Variants in MCPH1 observed in about 807,000 individuals in gnomAD.
MCPH1 encodes microcephalin 1.
In MCPH1, 104 loss-of-function variants were observed where a neutral mutation model predicts 84.5. The observed-to-expected ratio is 1.23, with a 90% CI of 1.05 to 1.45. MCPH1 has a LOEUF of 1.45. Among genes scored for constraint, MCPH1 ranks in the 40% most tolerant of loss-of-function variants. The probability of loss-of-function intolerance (pLI) is 0.00; values close to 1 mark genes in which losing one functional copy is unlikely to be tolerated. For missense variants in MCPH1, 1,498 were observed against 1,005.7 expected (o/e 1.49, Z -6.62); for synonymous variants, 514 against 366.8 (o/e 1.40, Z -4.58).
At chr8:6,453,765 T>C (rs977274047) in intron 8 of MCPH1, among the ~76,000 whole-genome samples, 8 of 152,166 alleles carry the variant, frequency 5.3e-5, no homozygotes, top group Non-Finnish European at 1.0e-4. Flanking sequence ...CCCCGGGGGA[T>C]AAAGTGGGCC....
chr8:6,487,358 C>T (rs564968154), intron 11 of MCPH1, among the ~76,000 whole-genome samples: 1 of 152,186 alleles, frequency 6.6e-6, no homozygotes, highest in Admixed American at 6.5e-5. Flanking sequence ...AATCAATGAA[C>T]TGTTAGAATA....
intron 12 of MCPH1, among the ~76,000 whole-genome samples, chr8:6,527,020 G>A (rs1319118123): frequency 6.6e-6 from 1 of 152,206 alleles, no homozygotes; most frequent in African/African-American, 2.4e-5. Flanking sequence ...TTGGCTTACA[G>A]TATAAGTGTA....
At chr8:6,596,407 A>G (rs1310350760) in intron 12 of MCPH1, among the ~76,000 whole-genome samples, 1 of 152,070 alleles carries the variant, frequency 6.6e-6, no homozygotes, top group East Asian at 1.9e-4. Flanking sequence ...GATGAAAGGA[A>G]TTTTTCTGCT....
chr8:6,436,218 A>T, intron 5 of MCPH1, 56 bp downstream of exon 5: 1 of 1,563,350 alleles, frequency 6.4e-7, no homozygotes, highest in Non-Finnish European at 8.7e-7. Flanking sequence ...ACCTTGTTTA[A>T]TTTGCATGAT....
At chr8:6,628,409 G>T (rs1392252079) in intron 13 of MCPH1, among the ~76,000 whole-genome samples, 1 of 142,720 alleles carries the variant, frequency 7.0e-6, no homozygotes, top group Non-Finnish European at 1.5e-5. Context: ...GGCAGAGCTT[G>T]CAGTGAGCCG....
intron 12 of MCPH1, chr8:6,621,045 C>G (rs541949723): frequency 3.0e-5 from 9 of 302,098 alleles, no homozygotes; most frequent in Non-Finnish European, 3.8e-5. Flanking sequence ...GATTGAATGA[C>G]GCTCTCCCAG....
chr8:6,484,055 T>C (rs984533924), intron 11 of MCPH1, among the ~76,000 whole-genome samples: 1 of 152,126 alleles, frequency 6.6e-6, no homozygotes, highest in African/African-American at 2.4e-5. Flanking sequence ...GCATGATGAA[T>C]AACAGAAAAC....
At position 6,458,030 on chromosome 8, in the gene MCPH1, T is replaced by C. The variant is rs142946907; in HGVS notation, c.1935+2778T>C. ...TTTTAAACTCCTGAGGTGATTCTAATGCAAAGCAGAGTTTGGAAACTACAG... is the reference window on the plus strand; with the variant it reads ...TTTTAAACTCCTGAGGTGATTCTAACGCAAAGCAGAGTTTGGAAACTACAG... On this transcript the variant is annotated intron_variant, in intron 9 of 13. Coordinates refer to ENST00000344683, the MANE Select transcript of MCPH1 (RefSeq NM_024596.5). Among the ~76,000 whole-genome samples the C allele has an allele frequency of 7.4e-4, 112 of 152,308 alleles. 3 individuals carry two copies. The East Asian group carries it at 0.02, about 27-fold the overall frequency.
In MCPH1 at chr8:6,516,900, C is replaced by T. The variant is rs556775272; in HGVS notation, c.2214+16971C>T. 3.3e-5 allele frequency among the ~76,000 whole-genome samples: 5 copies of T among 152,292 alleles called. No individual in the cohort carries two copies. In the South Asian group the frequency reaches 1.0e-3, roughly 32 times the overall value. On this transcript the variant is annotated intron_variant, in intron 12 of 13. Coordinates refer to ENST00000344683, the MANE Select transcript of MCPH1 (RefSeq NM_024596.5). ...GCAAAACTCTTAAATGTCTGAGAGT[C>T]ACTGCCAGCACATAAATGATTTGAG... is the stretch of plus-strand genomic sequence containing the variant.
At position 6,406,629 on chromosome 8, in the gene MCPH1, G is replaced by A. The variant is rs768188163; in HGVS notation, c.-39G>A. The A allele has an allele frequency of 1.1e-5, 17 of 1,608,524 alleles. No homozygotes were observed. The highest frequency in any genetic ancestry group is 3.4e-5 in the Admixed American group (2 of 59,678). ...CCCGCGCGCGCCGCCAGGCTCGCAA[G>A]CACCGCGTAGGCCAGCTGGCCGGAT... On this transcript the variant is annotated 5_prime_UTR_variant, in exon 1 of 14. Coordinates refer to ENST00000344683, the MANE Select transcript of MCPH1 (RefSeq NM_024596.5).
chr8:6,433,771 A>G lies in MCPH1; in HGVS notation c.321+2185A>G, dbSNP rs549833927. On this transcript the variant is annotated intron_variant, in intron 4 of 13. Coordinates refer to ENST00000344683, the MANE Select transcript of MCPH1 (RefSeq NM_024596.5). The stretch of plus-strand genomic sequence containing the variant: ...ACCACTTTAATTTTCATGTCTAAAA[A>G]CCTTCCCTTTCCTTCTCTTTTCCAA... 2.6e-5 allele frequency among the ~76,000 whole-genome samples: 4 copies of G among 151,706 alleles called. No individual in the cohort carries two copies. The South Asian group carries it at 8.3e-4, about 32-fold the overall frequency.
At chr8:6,525,342 G>T (rs940527526) in intron 12 of MCPH1, among the ~76,000 whole-genome samples, 6 of 152,154 alleles carry the variant, frequency 3.9e-5, no homozygotes, top group African/African-American at 1.4e-4. Flanking sequence ...CGATCCACCT[G>T]CCTCAGCCAT....
At chr8:6,445,599 T>G (rs1399752078) in intron 8 of MCPH1, 52 bp downstream of exon 8, 2 of 1,523,348 alleles carry the variant, frequency 1.3e-6, no homozygotes, top group African/African-American at 2.8e-5. Context: ...CATGTAACAG[T>G]GCATCCATAT....
chr8:6,461,335 T>TC (rs1291402589), intron 9 of MCPH1, among the ~76,000 whole-genome samples: 1 of 147,550 alleles, frequency 6.8e-6, no homozygotes, highest in Non-Finnish European at 1.5e-5. Flanking sequence ...CTTTTTTTTT[T>TC]TTTTTTTTGA....
chr8:6,493,481 T>G (rs1229885649), intron 11 of MCPH1, among the ~76,000 whole-genome samples: 1 of 152,248 alleles, frequency 6.6e-6, no homozygotes, highest in East Asian at 1.9e-4. Context: ...CTTAACTATA[T>G]ACTTTTAGTA....
rs774692658 is a variant in MCPH1 at position 6,409,320 on chromosome 8, G to C, written c.64G>C (p.Glu22Gln). ...YVEVWSSNGT[E>Q]NYSKTFTTQL... ...TGAAGTGTGGTCATCCAATGGAACA[G>C]AAAATTATTCAAAGACATTTACAAC... The change falls in exon 2 of 14, where the codon GAA becomes CAA. Residue 22 changes from glutamate (E) to glutamine (Q), a missense_variant. Transcript: ENST00000344683. 6.2e-7 allele frequency: 1 copy of C among 1,614,128 alleles called. No homozygotes were observed. Among genetic ancestry groups the C allele is most frequent in the East Asian group, 2.2e-5 (1 of 44,884 alleles).
intron 8 of MCPH1, among the ~76,000 whole-genome samples, chr8:6,451,513 C>T (rs1805080708): frequency 2.0e-5 from 3 of 152,170 alleles, no homozygotes; most frequent in Non-Finnish European, 2.9e-5. Context: ...TTGGAATGAC[C>T]TCTACAACGA....
At chr8:6,524,443 C>A (rs548013687) in intron 12 of MCPH1, among the ~76,000 whole-genome samples, 2 of 152,326 alleles carry the variant, frequency 1.3e-5, no homozygotes, top group African/African-American at 4.8e-5. Flanking sequence ...GGCCATTTAA[C>A]ACTGCTGTGA....
chr8:6,465,302 C>T (rs1405074090), intron 9 of MCPH1, among the ~76,000 whole-genome samples: 1 of 152,194 alleles, frequency 6.6e-6, no homozygotes, highest in Non-Finnish European at 1.5e-5. Context: ...CTCTGCACTG[C>T]GCCTCTCTGG....
Sources: allele counts gnomAD v4.1 joint callset (sites outside exome capture counted in the v4.1 genomes callset), GRCh38; gene constraint gnomAD v4.1.1; transcripts MANE v1.5; gene names NCBI Gene and HGNC (gene_info 2026-07-23, HGNC 2026-07-21).